The following CGAS variants were observed in gnomAD, a reference collection of about 807,000 sequenced individuals.
The protein encoded by CGAS is cyclic GMP-AMP synthase.
A neutral mutation model predicts 34.0 loss-of-function variants in CGAS; 31 were observed. That is an observed-to-expected ratio of 0.91 (90% confidence interval 0.69 to 1.23). The LOEUF (loss-of-function observed/expected upper bound fraction) is 1.23. CGAS is among the 50% of genes most tolerant of loss of function. CGAS has a pLI of 0.00. For missense variants in CGAS, 597 were observed against 657.6 expected, an observed-to-expected ratio of 0.91 and a Z score of 1.01; for synonymous variants, 266 against 260.0, an observed-to-expected ratio of 1.02 and a Z score of -0.22.
At chr6:73,428,943 T>C in intron 3 of CGAS, 132 bp from the exon 4 acceptor site, 1 of 775,502 alleles carries the variant, frequency 1.3e-6, no homozygotes, top group Non-Finnish European at 2.0e-6. Flanking sequence ...TCTCAGTACT[T>C]TGGGAGGCCG....
Position 73,451,737 on chromosome 6 carries a change from A to G in CGAS, c.445T>C (p.Ser149Pro), listed in dbSNP as rs1770569983. 6.2e-7 allele frequency: 1 copy of G among 1,612,204 alleles called. No individual in the cohort carries two copies. The highest frequency in any genetic ancestry group is 8.5e-7 in the Non-Finnish European group (1 of 1,179,510). Residue 149 changes from serine to proline, a missense_variant, in exon 1 of 5, where the codon TCG (serine) becomes CCG (proline). By Grantham distance (74) the Ser-to-Pro change is moderately conservative. Around this residue, in one of 3 missense-constraint regions of CGAS, gnomAD observed 321 missense variants for 314.3 expected, o/e 1.02. Coordinates refer to ENST00000370315, the MANE Select transcript of CGAS (RefSeq NM_138441.3). ...TCCCTCCGTACGAGAATGGGGGCCG[A>G]GACCGGCAGGCCGGGGCTGGGCACG... is the stretch of plus-strand genomic sequence containing the variant. ...WDVPSPGLPV[S>P]APILVRRDAA...
At chr6:73,443,762 C>G (rs1770422378) in intron 2 of CGAS, among the ~76,000 whole-genome samples, 1 of 152,114 alleles carries the variant, frequency 6.6e-6, no homozygotes, top group Admixed American at 6.6e-5. Context: ...TAATAACATA[C>G]AACACAAATT....
intron 1 of CGAS, among the ~76,000 whole-genome samples, chr6:73,450,989 C>CAAAAA (rs386407555): frequency 2.6e-5 from 2 of 75,642 alleles, no homozygotes; most frequent in Admixed American, 1.5e-4. Context: ...GACTCCGCCT[C>CAAAAA]AAAAAAAAAA....
chr6:73,443,129 G>A (rs1770411598), intron 2 of CGAS, among the ~76,000 whole-genome samples: 1 of 151,258 alleles, frequency 6.6e-6, no homozygotes. Context: ...CAAGACCAAA[G>A]AACAAATCCA....
chr6:73,446,901 T>C (rs1004511623), intron 1 of CGAS, among the ~76,000 whole-genome samples: 17 of 151,612 alleles, frequency 1.1e-4, no homozygotes, highest in African/African-American at 3.9e-4. Context: ...ATTAAAAATA[T>C]GAAAATTAGC....
chr6:73,425,330 T>G lies in CGAS; in HGVS notation c.1466A>C (p.Asn489Thr). ...KLENYFIPEF[N>T]LFSSNLIDKR... ...GTCAATTAAGTTGCTAGAGAATAGATTGAATTCAGGAATAAAATAATTCTC... is the reference window on the plus strand; with the variant it reads ...GTCAATTAAGTTGCTAGAGAATAGAGTGAATTCAGGAATAAAATAATTCTC... The change falls in exon 5 of 5, where the codon AAT (asparagine) becomes ACT (threonine). Residue 489 changes from asparagine to threonine, a missense_variant. Asn to Thr is a moderately conservative substitution (Grantham distance 65, BLOSUM62 0). Around this residue, in one of 3 missense-constraint regions of CGAS, gnomAD observed 271 missense variants for 324.1 expected, o/e 0.84. Transcript: ENST00000370315. The G allele has an allele frequency of 6.2e-7, 1 of 1,610,788 alleles. No homozygotes were observed. The highest frequency in any genetic ancestry group is 8.5e-7 in the Non-Finnish European group (1 of 1,179,294).
chr6:73,435,464 T>C (rs1331895914), intron 3 of CGAS, among the ~76,000 whole-genome samples: 1 of 152,178 alleles, frequency 6.6e-6, no homozygotes, highest in Non-Finnish European at 1.5e-5. Context: ...CAATATTACA[T>C]AACGATTTAC....
intron 1 of CGAS, among the ~76,000 whole-genome samples, chr6:73,450,097 G>GATAGAGAGA (rs1554239284): frequency 6.7e-6 from 1 of 149,840 alleles, no homozygotes; most frequent in South Asian, 2.1e-4. Context: ...CAGAGAGATA[G>GATAGAGAGA]AGAGAAGAGA....
intron 2 of CGAS, among the ~76,000 whole-genome samples, chr6:73,443,838 G>A (rs1770424365): frequency 6.6e-6 from 1 of 152,146 alleles, no homozygotes; most frequent in Admixed American, 6.6e-5. Flanking sequence ...ATGGGGTGGT[G>A]GAGCCAAGCC....
chr6:73,441,879 TTTTTTTTGAG>T (rs1037311622), intron 2 of CGAS, among the ~76,000 whole-genome samples: 9 of 151,994 alleles, frequency 5.9e-5, no homozygotes, highest in Non-Finnish European at 1.2e-4. Flanking sequence ...TCTACCTTAC[TTTTTTTTGAG>T]ACAAAGTCTT....
chr6:73,437,838 T>C (rs1354653669), intron 3 of CGAS, among the ~76,000 whole-genome samples: 2 of 152,030 alleles, frequency 1.3e-5, no homozygotes, highest in Non-Finnish European at 2.9e-5. Context: ...GAGATGGAGA[T>C]GGGTGGATCA....
intron 3 of CGAS, 58 bp downstream of exon 3, chr6:73,440,151 A>G: frequency 6.8e-7 from 1 of 1,467,730 alleles, no homozygotes; most frequent in South Asian, 1.3e-5. Flanking sequence ...TTACTGCCTG[A>G]ACATATAACA....
intron 3 of CGAS, among the ~76,000 whole-genome samples, chr6:73,429,317 G>GA (rs959122490): frequency 4.0e-5 from 6 of 149,444 alleles, no homozygotes; most frequent in East Asian, 2.0e-4. Flanking sequence ...GGGCCTAACC[G>GA]AAAAAAAAAG....
Position 73,451,938 on chromosome 6 carries a change from T to C in CGAS, c.244A>G (p.Lys82Glu), listed in dbSNP as rs1346816677. 8.7e-6 allele frequency: 13 copies of C among 1,499,422 alleles called. No homozygotes were observed. Among genetic ancestry groups the C allele is most frequent in the Non-Finnish European group, 1.1e-5 (12 of 1,121,694 alleles). The allele number at this position is 1,499,422 out of a possible 1,614,324, so 92.9% of individuals were successfully genotyped here. The change falls in exon 1 of 5, where the codon AAA (lysine) becomes GAA (glutamate). Residue 82 changes from lysine (K) to glutamate (E), a missense_variant. Physicochemically the swap from Lys to Glu is moderately conservative, Grantham distance 56 (BLOSUM62 1). Coordinates refer to ENST00000370315, the MANE Select transcript of CGAS (RefSeq NM_138441.3). The stretch of plus-strand genomic sequence containing the variant: ...TCCTGGGCGCGCTGAGGGGCCTTTT[T>C]GGCGCGGGCCCCAGTTGCGCGGACG... ...PPVRATGARA[K>E]KAPQRAQDTQ...
In CGAS at chr6:73,451,786, T is replaced by C. The variant is rs1561933002; in HGVS notation, c.396A>G (p.Pro132=). ...CGTCCCAGGGCCCGGGCGGAGGTCT[T>C]GGCTTCGTGGAGCAGCGCGCGCCCC... The part of the protein sequence containing the change: ...RQRGARCSTK[P]RPPPGPWDVP... Residue 132 remains proline (P), a synonymous_variant, in exon 1 of 5, where the codon CCA becomes CCG. Transcript: ENST00000370315. 6.3e-7 allele frequency: 1 copy of C among 1,583,694 alleles called. No individual in the cohort carries two copies. Among genetic ancestry groups the C allele is most frequent in the Non-Finnish European group, 8.6e-7 (1 of 1,166,308 alleles).
rs114473784 is a variant in CGAS, at chr6:73,425,532, C to T, written c.1264G>A (p.Glu422Lys). 6.5e-4 allele frequency: 1,043 copies of T among 1,609,152 alleles called. 7 individuals are homozygous for T. The African/African-American group carries it at 0.013, about 20-fold the overall frequency. The change falls in exon 5 of 5, where the codon GAA becomes AAA. Residue 422 changes from glutamate (E) to lysine (K), a missense_variant. By Grantham distance (56) the Glu-to-Lys change is moderately conservative. This residue lies in a region of CGAS where 271 missense variants were observed against 324.1 expected (regional missense o/e 0.84). Coordinates refer to ENST00000370315, the MANE Select transcript of CGAS (RefSeq NM_138441.3). ...LMKYLLEQLK[E>K]RFKDKKHLDK... ...AGATGTTTTTTGTCTTTAAACCTTT[C>T]TTTCAGCTGTTCTAAAAGGTATTTC...
At chr6:73,444,339 G>A (rs191679979) in intron 2 of CGAS, among the ~76,000 whole-genome samples, 78 of 144,050 alleles carry the variant, frequency 5.4e-4, no homozygotes, top group Admixed American at 5.2e-3. Flanking sequence ...ATGGAGTTTC[G>A]CTCTTGTCAC....
chr6:73,449,343 C>T (rs1011005432), intron 1 of CGAS, among the ~76,000 whole-genome samples: 6 of 151,792 alleles, frequency 4.0e-5, no homozygotes, highest in African/African-American at 9.7e-5. Flanking sequence ...GGCATGGTGG[C>T]GGGCGCCTGT....
At chr6:73,450,954 C>A (rs1467725944) in intron 1 of CGAS, among the ~76,000 whole-genome samples, 2 of 142,338 alleles carry the variant, frequency 1.4e-5, no homozygotes, top group African/African-American at 2.6e-5. Context: ...AGCGCCACTG[C>A]ACTCCAGCCT....
Sources: allele counts gnomAD v4.1 joint callset (sites outside exome capture counted in the v4.1 genomes callset), GRCh38; gene constraint gnomAD v4.1.1; regional missense constraint gnomAD v4.1.1; transcripts MANE v1.5; gene names NCBI Gene and HGNC (gene_info 2026-07-23, HGNC 2026-07-21).